The following ZBBX variants were observed in gnomAD, a reference collection of about 807,000 sequenced individuals.
ZBBX encodes the protein zinc finger B-box domain containing.
In ZBBX, 101 loss-of-function variants were observed where a neutral mutation model predicts 108.5. That is an observed-to-expected ratio of 0.93 (90% CI 0.79 to 1.10). The LOEUF (loss-of-function observed/expected upper bound fraction) is 1.10. Ranked by LOEUF, ZBBX falls within the 50% of genes least tolerant of loss-of-function variation. The pLI is 0.00. For missense variants in ZBBX, 1,009 were observed against 941.4 expected, an observed-to-expected ratio of 1.07 and a Z score of -0.94; for synonymous variants, 356 against 323.4, an observed-to-expected ratio of 1.10 and a Z score of -1.08.
chr3:167,269,494 T>C (rs1726158535), intron 20 of ZBBX, among the ~76,000 whole-genome samples: 1 of 152,190 alleles, frequency 6.6e-6, no homozygotes, highest in South Asian at 2.1e-4. Flanking sequence ...CCACCACAGA[T>C]GAGAAATGTA....
chr3:167,317,618 A>G (rs997423905), intron 12 of ZBBX, 21 bp from the exon 13 acceptor site: 1 of 1,540,892 alleles, frequency 6.5e-7, no homozygotes, highest in African/African-American at 1.4e-5. Context: ...AGAAAGAAGC[A>G]ATTAAGAGAC....
the ZBBX span, among the ~76,000 whole-genome samples, chr3:167,185,782 T>A: frequency 6.6e-6 from 1 of 152,094 alleles, no homozygotes; most frequent in Non-Finnish European, 1.5e-5. Flanking sequence ...CTTTTCCACC[T>A]ACAAGTAAGT....
intron 20 of ZBBX, among the ~76,000 whole-genome samples, chr3:167,249,564 T>C (rs560376785): frequency 6.6e-6 from 1 of 152,296 alleles, no homozygotes; most frequent in South Asian, 2.1e-4. Flanking sequence ...GCCCAGTAAA[T>C]TTGGGCCTAG....
chr3:167,274,259 G>A (rs1727074200), intron 20 of ZBBX, among the ~76,000 whole-genome samples: 1 of 152,208 alleles, frequency 6.6e-6, no homozygotes, highest in South Asian at 2.1e-4. Flanking sequence ...TAAATGGAAA[G>A]GAGTCATGGC....
chr3:167,268,489 G>A (rs548062134), intron 20 of ZBBX, among the ~76,000 whole-genome samples: 1 of 151,776 alleles, frequency 6.6e-6, no homozygotes, highest in South Asian at 2.1e-4. Flanking sequence ...AAGACCTAAG[G>A]GAGATGATAA....
chr3:167,328,328 G>A (rs1363541565), intron 10 of ZBBX, among the ~76,000 whole-genome samples: 2 of 151,968 alleles, frequency 1.3e-5, no homozygotes, highest in African/African-American at 2.4e-5. Context: ...ATTATAAATG[G>A]TCTCTTCAGA....
the ZBBX span, among the ~76,000 whole-genome samples, chr3:167,184,588 C>T: frequency 1.3e-5 from 2 of 152,114 alleles, no homozygotes; most frequent in African/African-American, 2.4e-5. Context: ...AACAGGAAAC[C>T]GGTTACATTA....
At chr3:167,190,244 A>C in the ZBBX span, among the ~76,000 whole-genome samples, 1 of 152,222 alleles carries the variant, frequency 6.6e-6, no homozygotes, top group Non-Finnish European at 1.5e-5. Context: ...CTACAGTTAC[A>C]TCATTTGCAA....
the ZBBX span, among the ~76,000 whole-genome samples, chr3:167,233,364 C>T: frequency 6.6e-6 from 1 of 151,730 alleles, no homozygotes; most frequent in Admixed American, 6.6e-5. Flanking sequence ...AAATATCTGT[C>T]AGAGTAAAGC....
the ZBBX span, among the ~76,000 whole-genome samples, chr3:167,231,941 T>C: frequency 2.0e-5 from 3 of 151,746 alleles, no homozygotes; most frequent in African/African-American, 7.2e-5. Context: ...CTAAATCTAA[T>C]CAGAAAGTGA....
At chr3:167,263,035 C>CTTT (rs59613369) in intron 20 of ZBBX, among the ~76,000 whole-genome samples, 5 of 84,876 alleles carry the variant, frequency 5.9e-5, no homozygotes, top group African/African-American at 9.2e-5. Flanking sequence ...TTTTCTAGTT[C>CTTT]TTTTTTTTTT....
chr3:167,251,066 ACCACTGACCAGCAGG>A (rs1413963359), intron 20 of ZBBX, among the ~76,000 whole-genome samples: 3 of 152,130 alleles, frequency 2.0e-5, no homozygotes, highest in Admixed American at 6.5e-5. Context: ...ACACCAGCAG[ACCACTGACCAGCAGG>A]CCACTGACCA....
At chr3:167,402,157 C>T (rs13074970) in intron 1 of ZBBX, among the ~76,000 whole-genome samples, 70,744 of 151,984 alleles carry the variant, frequency 0.47, 16,606 homozygotes, top group Non-Finnish European at 0.5. Flanking sequence ...TCATTCTCTC[C>T]ACCTTATCCC....
chr3:167,280,304 G>A (rs190598828), intron 20 of ZBBX, among the ~76,000 whole-genome samples: 1 of 150,468 alleles, frequency 6.6e-6, no homozygotes, highest in Non-Finnish European at 1.5e-5. Flanking sequence ...ACTACCATCA[G>A]AGTGAACAGG....
intron 9 of ZBBX, among the ~76,000 whole-genome samples, chr3:167,340,089 T>C (rs1740285857): frequency 6.6e-6 from 1 of 152,166 alleles, no homozygotes; most frequent in African/African-American, 2.4e-5. Flanking sequence ...AAAGTTTATT[T>C]ATCCAAAGAA....
At chr3:167,378,915 A>G (rs1378874705) in intron 2 of ZBBX, among the ~76,000 whole-genome samples, 1 of 152,072 alleles carries the variant, frequency 6.6e-6, no homozygotes, top group Non-Finnish European at 1.5e-5. Context: ...ATTGTATGTT[A>G]CCTTGTGTTA....
chr3:167,298,269 A>G (rs749412771), intron 18 of ZBBX, 36 bp downstream of exon 18: 2 of 1,545,742 alleles, frequency 1.3e-6, no homozygotes, highest in Admixed American at 1.9e-5. Context: ...CTAAGATGAG[A>G]ACAGACTGTT....
intron 9 of ZBBX, among the ~76,000 whole-genome samples, chr3:167,336,351 T>C (rs558934004): frequency 1.2e-4 from 19 of 152,232 alleles, no homozygotes; most frequent in African/African-American, 4.6e-4. Flanking sequence ...AAAGTTCTGC[T>C]ACTTTAGTAC....
At chr3:167,399,897 G>A (rs1748366910) in intron 1 of ZBBX, among the ~76,000 whole-genome samples, 1 of 151,872 alleles carries the variant, frequency 6.6e-6, no homozygotes, top group South Asian at 2.1e-4. Context: ...AGCATCTACT[G>A]TTCCTGTGTG....
Sources: gnomAD v4.1 joint callset for allele counts (sites outside exome capture counted in the v4.1 genomes callset) on GRCh38, gnomAD v4.1.1 for gene constraint, MANE v1.5 for transcripts, NCBI Gene and HGNC (gene_info 2026-07-23, HGNC 2026-07-21) for gene names.